The following PPP4C variants were observed in gnomAD, a reference collection of about 807,000 sequenced individuals.
The protein encoded by PPP4C is serine/threonine-protein phosphatase 4 catalytic subunit.
Under a neutral mutation model 40.5 loss-of-function variants are expected in PPP4C, and 10 were observed. The ratio of observed to expected loss-of-function variants is 0.25; its 90% CI spans 0.15 to 0.42. PPP4C has a LOEUF of 0.42. PPP4C is among the 10% of genes least tolerant of loss of function. The pLI is 1.00. For synonymous variants in PPP4C, 187 were observed against 163.6 expected (o/e 1.14, Z -1.09); for missense variants, 191 against 416.4 (o/e 0.46, Z 4.71).
intron 7 of PPP4C, 53 bp from the exon 8 acceptor site, chr16:30,084,613 G>T: frequency 6.4e-7 from 1 of 1,561,980 alleles, no homozygotes; most frequent in Middle Eastern, 1.7e-4. Flanking sequence ...GGCAGCGCTG[G>T]CAGCCAGAGA....
intron 2 of PPP4C, among the ~76,000 whole-genome samples, chr16:30,077,110 G>A (rs1386721010): frequency 6.6e-6 from 1 of 152,114 alleles, no homozygotes; most frequent in Non-Finnish European, 1.5e-5. Context: ...CGATAGGGAG[G>A]CCAGTTCAGA....
At chr16:30,078,866 C>T (rs886337945) in intron 2 of PPP4C, among the ~76,000 whole-genome samples, 6 of 152,130 alleles carry the variant, frequency 3.9e-5, no homozygotes, top group South Asian at 2.1e-4. Flanking sequence ...TCCGGGTATC[C>T]GGGCACAGGG....
intron 5 of PPP4C, 79 bp downstream of exon 5, chr16:30,082,926 C>T: frequency 8.3e-7 from 1 of 1,208,896 alleles, no homozygotes; most frequent in Non-Finnish European, 1.2e-6. Context: ...GCCCTCATCT[C>T]CTATCGTGAC....
intron 3 of PPP4C, chr16:30,081,603 C>G: frequency 4.0e-6 from 1 of 252,386 alleles, no homozygotes; most frequent in East Asian, 8.6e-5. Context: ...ATTAGCCACG[C>G]GTGGTGGCAC....
intron 3 of PPP4C, chr16:30,081,514 G>C (rs542856215): frequency 1.4e-4 from 65 of 479,210 alleles, no homozygotes; most frequent in Non-Finnish European, 2.4e-4. Flanking sequence ...GGAGGGCAAG[G>C]TGGGCACATC....
At chr16:30,080,119 T>A (rs190679966) in intron 2 of PPP4C, among the ~76,000 whole-genome samples, 2 of 151,884 alleles carry the variant, frequency 1.3e-5, no homozygotes, top group Non-Finnish European at 2.9e-5. Context: ...CAAAGGTGGG[T>A]AGATCACTTG....
intron 2 of PPP4C, among the ~76,000 whole-genome samples, chr16:30,080,344 CAA>C (rs766436567): frequency 0.01 from 466 of 45,310 alleles, 2 homozygotes; most frequent in African/African-American, 0.036. Flanking sequence ...GACTCTGTCT[CAA>C]AAAAAAAAAA....
intron 2 of PPP4C, among the ~76,000 whole-genome samples, chr16:30,076,976 T>C (rs975198124): frequency 6.6e-6 from 1 of 152,230 alleles, no homozygotes; most frequent in Admixed American, 6.5e-5. Context: ...GAATGGGGTC[T>C]GAAGCCAGCT....
chr16:30,082,071 A>T (rs2072520237), intron 3 of PPP4C, among the ~76,000 whole-genome samples: 1 of 151,376 alleles, frequency 6.6e-6, no homozygotes. Flanking sequence ...AAAAAAAGAA[A>T]GGAAAGAAAA....
In PPP4C at chr16:30,085,277, A is replaced by G. The variant is rs989121474; in HGVS notation, c.*215A>G. ...CCCCACTTGAACCATGAAGTTTCCA[A>G]TAATTTTTTTTTCTTTTTTTCCTTC... On this transcript the variant is annotated 3_prime_UTR_variant, in exon 9 of 9. Coordinates refer to ENST00000279387, the MANE Select transcript of PPP4C (RefSeq NM_002720.3). 6 of 414,834 alleles carry G rather than the reference A, an allele frequency of 1.4e-5. No individual in the cohort carries two copies. The highest frequency in any genetic ancestry group is 3.6e-5 in the East Asian group (1 of 27,944). 25.7% of individuals were successfully genotyped at this position (414,834 alleles called of 1,614,324 possible). A position where few individuals can be genotyped will look rare whatever the true frequency, so the allele number is the denominator to read the frequency against.
intron 2 of PPP4C, among the ~76,000 whole-genome samples, chr16:30,077,866 C>T (rs2072431351): frequency 6.6e-6 from 1 of 152,186 alleles, no homozygotes; most frequent in Non-Finnish European, 1.5e-5. Flanking sequence ...AATCTGTGGC[C>T]CTCAGGCTCT....
At chr16:30,081,052 G>A in intron 2 of PPP4C, 1 of 625,632 alleles carries the variant, frequency 1.6e-6, no homozygotes, top group South Asian at 1.7e-5. Flanking sequence ...TAAGAGGTTG[G>A]ACTTTGTCCT....
At position 30,085,149 on chromosome 16, in the gene PPP4C, G is replaced by T. The variant is rs1596844941; in HGVS notation, c.*87G>T. 6.6e-7 allele frequency: 1 copy of T among 1,518,542 alleles called. No homozygotes were observed. The highest frequency in any genetic ancestry group is 2.3e-5 in the East Asian group (1 of 44,156). The allele number at this position is 1,518,542 out of a possible 1,614,324, so 94.1% of individuals were successfully genotyped here. A position where few individuals can be genotyped will look rare whatever the true frequency, so the allele number is the denominator to read the frequency against. On this transcript the variant is annotated 3_prime_UTR_variant, in exon 9 of 9. Coordinates refer to ENST00000279387, the MANE Select transcript of PPP4C (RefSeq NM_002720.3). ...CTTCCTCAGACGGAGGCTGGGCGTG[G>T]GGGGGGCTGTCCTGGCTCTGCTGTC...
rs778680034 is a variant in PPP4C at position 30,083,571 on chromosome 16, A to C, written c.477+4A>C. ...GTCAGCCATCATCGATGGCAAGGTA[A>C]GCCAGCCCAGGGCTCCATGGGACAG... On this transcript the variant is annotated splice_donor_region_variant and intron_variant, in intron 6 of 8. Coordinates refer to ENST00000279387, the MANE Select transcript of PPP4C (RefSeq NM_002720.3). The surrounding 1 kb of genome is among the most constrained non-coding windows in gnomAD (Gnocchi z 6.3). The C allele has an allele frequency of 1.9e-6, 3 of 1,614,084 alleles. No individual in the cohort carries two copies. In the South Asian group the frequency reaches 3.3e-5, roughly 18 times the overall value.
chr16:30,085,016 C>A lies in PPP4C; in HGVS notation c.878C>A (p.Thr293Lys). 6.2e-7 allele frequency: 1 copy of A among 1,614,186 alleles called. No homozygotes were observed. Among genetic ancestry groups the A allele is most frequent in the South Asian group, 1.1e-5 (1 of 91,086 alleles). ...FIIFEAAPQE[T>K]RGIPSKKPVA... ...ATCTTTGAGGCTGCTCCCCAAGAGA[C>A]ACGGGGCATCCCCTCCAAGAAGCCC... The change falls in exon 9 of 9, where the codon ACA (threonine) becomes AAA (lysine). Residue 293 changes from threonine to lysine, a missense_variant. Transcript: ENST00000279387.
intron 2 of PPP4C, among the ~76,000 whole-genome samples, chr16:30,078,029 T>C (rs1482290063): frequency 6.6e-6 from 1 of 152,236 alleles, no homozygotes; most frequent in African/African-American, 2.4e-5. Context: ...AGTTGTCCCC[T>C]TTCCCTCAGT....
At position 30,076,057 on chromosome 16, in the gene PPP4C, C is replaced by G; in HGVS notation, c.-101C>G. On this transcript the variant is annotated 5_prime_UTR_variant, in exon 1 of 9. Transcript: ENST00000279387. The stretch of plus-strand genomic sequence containing the variant: ...TCGAAAGCGGAGTGAAAGAGGGAGG[C>G]AGGGAGCCGGAGAGCCGGAACCGGA... 2.3e-6 allele frequency: 1 copy of G among 425,924 alleles called. No individual in the cohort carries two copies. The highest frequency in any genetic ancestry group is 4.2e-6 in the Non-Finnish European group (1 of 237,498). 26.4% of individuals were successfully genotyped at this position (425,924 alleles called of 1,614,324 possible). A position where few individuals can be genotyped will look rare whatever the true frequency, so the allele number is the denominator to read the frequency against.
At chr16:30,080,461 C>T (rs2072482602) in intron 2 of PPP4C, among the ~76,000 whole-genome samples, 1 of 151,186 alleles carries the variant, frequency 6.6e-6, no homozygotes, top group African/African-American at 2.4e-5. Context: ...TATTTAAGTC[C>T]TCATAGTCAT....
intron 2 of PPP4C, among the ~76,000 whole-genome samples, chr16:30,079,761 A>G (rs1286811974): frequency 6.6e-6 from 1 of 152,182 alleles, no homozygotes; most frequent in East Asian, 1.9e-4. Context: ...ACTCATTCTA[A>G]GGGAAGAGAT....
Sources: gnomAD v4.1 joint callset for allele counts (sites outside exome capture counted in the v4.1 genomes callset) on GRCh38, gnomAD v4.1.1 for gene constraint, Gnocchi (gnomAD v3.1) non-coding constraint, MANE v1.5 for transcripts, NCBI Gene and HGNC (gene_info 2026-07-23, HGNC 2026-07-21) for gene names.